The following DPF2 variants were observed in gnomAD, a reference collection of about 807,000 sequenced individuals.
DPF2 encodes the protein zinc finger protein ubi-d4.
DPF2 carries 10 observed loss-of-function variants against 59.6 expected under a neutral mutation model. The ratio of observed to expected loss-of-function variants is 0.17; its 90% CI spans 0.10 to 0.28. DPF2 has a LOEUF of 0.28. DPF2 is among the 10% of genes least tolerant of loss of function. The pLI, the probability that DPF2 is intolerant of heterozygous loss-of-function variation, is 1.00. For synonymous variants in DPF2, 189 were observed against 190.6 expected (o/e 0.99, Z 0.07); for missense variants, 315 against 509.4 (o/e 0.62, Z 3.67).
intron 1 of DPF2, among the ~76,000 whole-genome samples, chr11:65,337,988 G>C (rs545379551): frequency 2.0e-4 from 30 of 152,194 alleles, no homozygotes; most frequent in African/African-American, 6.3e-4. Context: ...ATTTTTAGTA[G>C]AGACAGGGTT....
intron 6 of DPF2, chr11:65,344,609 G>A (rs1231413322): frequency 1.3e-6 from 2 of 1,535,972 alleles, no homozygotes; most frequent in Middle Eastern, 1.7e-4. Context: ...TACCTCGAAA[G>A]CGCCCCAGAG....
rs1157385191 is a variant in DPF2 at position 65,353,518 on chromosome 11, G to T, written c.*1759G>T. ...GAGCAAGTGCTCTAGGATCTGAACT[G>T]CCCGCAGTGCAGCCCTGCAGCCTTT... On this transcript the variant is annotated 3_prime_UTR_variant, in exon 11 of 11. Transcript: ENST00000528416. Among the ~76,000 whole-genome samples, 1 of 152,262 alleles carries T rather than the reference G, an allele frequency of 6.6e-6. No individual in the cohort carries two copies. Among genetic ancestry groups the T allele is most frequent in the Non-Finnish European group, 1.5e-5 (1 of 68,052 alleles).
At chr11:65,350,588 C>T (rs894354837) in intron 10 of DPF2, among the ~76,000 whole-genome samples, 1 of 146,722 alleles carries the variant, frequency 6.8e-6, no homozygotes, top group Non-Finnish European at 1.5e-5. Flanking sequence ...TGCCATGGTG[C>T]CCAGGCTGGT....
At position 65,353,242 on chromosome 11, in the gene DPF2, A is replaced by G. The variant is rs533465446; in HGVS notation, c.*1483A>G. ...TTTTGATCAATACAAAATTTGGGTT[A>G]AAATCAACTTTAACATCTATTTTTA... On this transcript the variant is annotated 3_prime_UTR_variant, in exon 11 of 11. Transcript: ENST00000528416. 2 of 152,346 alleles carry G rather than the reference A, an allele frequency of 1.3e-5. No homozygotes were observed. Among genetic ancestry groups the G allele is most frequent in the East Asian group, 3.9e-4 (2 of 5,192 alleles). The allele number at this position is 152,346 out of a possible 1,614,324, so 9.4% of individuals were successfully genotyped here. A position where few individuals can be genotyped will look rare whatever the true frequency, so the allele number is the denominator to read the frequency against.
intron 6 of DPF2, chr11:65,344,826 C>T: frequency 1.6e-6 from 1 of 608,850 alleles, no homozygotes; most frequent in Admixed American, 3.0e-5. Context: ...CACAAACCTG[C>T]TCCTAGAGCT....
At chr11:65,343,245 G>T (rs1590934206) in intron 4 of DPF2, among the ~76,000 whole-genome samples, 1 of 141,356 alleles carries the variant, frequency 7.1e-6, no homozygotes, top group East Asian at 2.1e-4. Flanking sequence ...GTTGCGGTAA[G>T]CCAGTATTGC....
At chr11:65,337,066 T>A (rs1344518615) in intron 1 of DPF2, among the ~76,000 whole-genome samples, 2 of 152,090 alleles carry the variant, frequency 1.3e-5, no homozygotes, top group Non-Finnish European at 2.9e-5. Flanking sequence ...AGACTCCGTC[T>A]CAAAAAAAGA....
At chr11:65,335,516 C>T (rs1950083863) in intron 1 of DPF2, among the ~76,000 whole-genome samples, 1 of 152,186 alleles carries the variant, frequency 6.6e-6, no homozygotes, top group African/African-American at 2.4e-5. Flanking sequence ...CCCATTTAAA[C>T]AGAGCGTGAC....
intron 6 of DPF2, 172 bp from the exon 7 acceptor site, chr11:65,345,494 A>C: frequency 4.6e-6 from 4 of 874,492 alleles, no homozygotes; most frequent in Non-Finnish European, 6.9e-6. Flanking sequence ...CCACGGCCTG[A>C]TGCTCCTGGC....
At position 65,353,839 on chromosome 11, in the gene DPF2, C is replaced by T. The variant is rs1404431901; in HGVS notation, c.*2080C>T. Among the ~76,000 whole-genome samples the T allele has an allele frequency of 6.6e-6, 1 of 152,148 alleles. No individual in the cohort carries two copies. Among genetic ancestry groups the T allele is most frequent in the African/African-American group, 2.4e-5 (1 of 41,432 alleles). On this transcript the variant is annotated 3_prime_UTR_variant, in exon 11 of 11. Coordinates refer to ENST00000528416, the MANE Select transcript of DPF2 (RefSeq NM_006268.5). Reference sequence around the variant, plus strand: ...ATTGTGTGAGGAGCAGAGCGCAGCCCGTCCTCATGCTTTTCCACTGAAGTA... The same window carrying T: ...ATTGTGTGAGGAGCAGAGCGCAGCCTGTCCTCATGCTTTTCCACTGAAGTA...
chr11:65,337,474 A>AAAAAAT (rs1555029114), intron 1 of DPF2, among the ~76,000 whole-genome samples: 1 of 46,480 alleles, frequency 2.2e-5, no homozygotes, highest in Admixed American at 3.1e-4. Context: ...AAAAAAAAAA[A>AAAAAAT]ATATATATAT....
intron 1 of DPF2, among the ~76,000 whole-genome samples, chr11:65,336,245 A>C (rs1439986180): frequency 2.0e-5 from 3 of 151,966 alleles, no homozygotes; most frequent in African/African-American, 4.8e-5. Context: ...TAATCCCAAC[A>C]CTTTGGGAGG....
intron 8 of DPF2, 28 bp from the exon 9 acceptor site, chr11:65,346,215 ACTGT>A (rs1854524649): frequency 6.2e-7 from 1 of 1,608,178 alleles, no homozygotes; most frequent in Non-Finnish European, 8.5e-7. Flanking sequence ...CGCATTTCCG[ACTGT>A]CTGTCTCACT....
intron 10 of DPF2, among the ~76,000 whole-genome samples, chr11:65,350,374 CTTT>C (rs529951680): frequency 7.8e-6 from 1 of 128,762 alleles, no homozygotes; most frequent in Non-Finnish European, 1.7e-5. Flanking sequence ...TTCTTTCTTT[CTTT>C]TTTTTTTTTT....
chr11:65,337,504 T>TAGAGAGAGAGAGG (rs1854223771), intron 1 of DPF2, among the ~76,000 whole-genome samples: 1 of 21,398 alleles, frequency 4.7e-5, no homozygotes, highest in Non-Finnish European at 8.1e-5. Context: ...TATATATATA[T>TAGAGAGAGAGAGG]AGAGAGAGAG....
chr11:65,338,858 A>G (rs1048946458), intron 1 of DPF2, among the ~76,000 whole-genome samples: 13 of 152,182 alleles, frequency 8.5e-5, no homozygotes, highest in African/African-American at 2.7e-4. Flanking sequence ...CAGAAACCAC[A>G]GAGACTTAAT....
intron 8 of DPF2, 93 bp from the exon 9 acceptor site, chr11:65,346,154 T>C (rs1319712199): frequency 6.3e-7 from 1 of 1,597,250 alleles, no homozygotes; most frequent in African/African-American, 1.3e-5. Context: ...CACCTCGCTT[T>C]TCCTAACCAA....
rs192776998 is a variant in DPF2, at chr11:65,336,365, A to G, written c.32+2447A>G. Among the ~76,000 whole-genome samples the G allele has an allele frequency of 6.5e-4, 98 of 151,690 alleles. 1 individual carries two copies. In the South Asian group the frequency reaches 7.7e-3, roughly 12 times the overall value. ...AAATTAGTTAGGTGTGGTGGCGCAC[A>G]CCTGTAGTCCCAGCTACTTGAGAGG... On this transcript the variant is annotated intron_variant, in intron 1 of 10. Transcript: ENST00000528416.
At chr11:65,334,049 G>T (rs923014346) in intron 1 of DPF2, 131 bp downstream of exon 1, 1 of 1,326,520 alleles carries the variant, frequency 7.5e-7, no homozygotes, top group Non-Finnish European at 1.0e-6. Context: ...CTCCTGGTGG[G>T]GAGGGCAACA....
Sources: allele counts gnomAD v4.1 joint callset (sites outside exome capture counted in the v4.1 genomes callset), GRCh38; gene constraint gnomAD v4.1.1; transcripts MANE v1.5; gene names NCBI Gene and HGNC (gene_info 2026-07-23, HGNC 2026-07-21).